Variants in FAM78B observed in about 807,000 individuals in gnomAD.
FAM78B encodes the protein family with sequence similarity 78 member B.
A neutral mutation model predicts 20.0 loss-of-function variants in FAM78B; 10 were observed. The observed-to-expected ratio is 0.50, with a 90% confidence interval of 0.31 to 0.85. The LOEUF is 0.85. Ranked by LOEUF, FAM78B falls within the 40% of genes least tolerant of loss-of-function variation. The pLI is 0.05. For synonymous variants in FAM78B, 135 were observed against 132.8 expected (o/e 1.02, Z -0.12); for missense variants, 283 against 345.0 (o/e 0.82, Z 1.42).
intron 1 of FAM78B, among the ~76,000 whole-genome samples, chr1:166,091,315 C>T (rs1653061261): frequency 6.6e-6 from 1 of 152,028 alleles, no homozygotes; most frequent in Non-Finnish European, 1.5e-5. Context: ...ATCTTGATTT[C>T]CTACATATTG....
At chr1:166,130,216 C>T (rs1654821373) in intron 1 of FAM78B, among the ~76,000 whole-genome samples, 1 of 152,244 alleles carries the variant, frequency 6.6e-6, no homozygotes, top group South Asian at 2.1e-4. Flanking sequence ...CAGTAAATAT[C>T]AAGCCCATTA....
At chr1:166,105,221 C>T (rs1159447961) in intron 1 of FAM78B, among the ~76,000 whole-genome samples, 1 of 152,204 alleles carries the variant, frequency 6.6e-6, no homozygotes, top group Non-Finnish European at 1.5e-5. Flanking sequence ...GCATTAAAGA[C>T]TTAAATGTTA....
intron 1 of FAM78B, among the ~76,000 whole-genome samples, chr1:166,080,998 C>T (rs1652546884): frequency 6.6e-6 from 1 of 152,218 alleles, no homozygotes; most frequent in Non-Finnish European, 1.5e-5. Context: ...GCTTTGCAAC[C>T]ATGATTACAG....
chr1:166,165,848 A>G (rs1015595375), intron 1 of FAM78B, 138 bp downstream of exon 1: 1 of 921,516 alleles, frequency 1.1e-6, no homozygotes, highest in African/African-American at 1.7e-5. Context: ...GGGAGGAGGG[A>G]GGTGGGAGAG....
chr1:166,105,667 C>A (rs1299471592), intron 1 of FAM78B, among the ~76,000 whole-genome samples: 1 of 152,198 alleles, frequency 6.6e-6, no homozygotes, highest in African/African-American at 2.4e-5. Context: ...CACTATCTCA[C>A]ACCAGTTAGA....
intron 1 of FAM78B, among the ~76,000 whole-genome samples, chr1:166,162,721 C>T (rs1301404905): frequency 2.0e-5 from 3 of 152,148 alleles, no homozygotes; most frequent in Non-Finnish European, 4.4e-5. Context: ...TTTCCTTTTC[C>T]AGACTATGTT....
At chr1:166,079,212 C>T (rs1294680201) in intron 1 of FAM78B, among the ~76,000 whole-genome samples, 1 of 152,196 alleles carries the variant, frequency 6.6e-6, no homozygotes, top group Non-Finnish European at 1.5e-5. Context: ...GGATTACAGG[C>T]ATGAACCACT....
At chr1:166,088,642 A>G (rs568825746) in intron 1 of FAM78B, among the ~76,000 whole-genome samples, 15 of 152,198 alleles carry the variant, frequency 9.9e-5, no homozygotes, top group Non-Finnish European at 1.9e-4. Flanking sequence ...ACGGACTGGC[A>G]TACAGCTATG....
intron 1 of FAM78B, among the ~76,000 whole-genome samples, chr1:166,078,755 G>A (rs1652438173): frequency 6.6e-6 from 1 of 152,066 alleles, no homozygotes; most frequent in Admixed American, 6.5e-5. Flanking sequence ...CAGTTATGCA[G>A]GGACTCTACT....
chr1:166,141,613 G>A (rs1292726601), intron 1 of FAM78B, among the ~76,000 whole-genome samples: 1 of 152,184 alleles, frequency 6.6e-6, no homozygotes, highest in Non-Finnish European at 1.5e-5. Context: ...CTGCAAAGGA[G>A]GCATGTTCAT....
At chr1:166,099,795 A>G (rs558321086) in intron 1 of FAM78B, among the ~76,000 whole-genome samples, 1 of 152,370 alleles carries the variant, frequency 6.6e-6, no homozygotes, top group East Asian at 1.9e-4. Flanking sequence ...AATTGACCTA[A>G]GAAATGAGAC....
At chr1:166,125,381 G>T (rs1343482473) in intron 1 of FAM78B, among the ~76,000 whole-genome samples, 2 of 152,092 alleles carry the variant, frequency 1.3e-5, no homozygotes, top group Non-Finnish European at 2.9e-5. Context: ...GTCTCCACTG[G>T]GAAAGCTAGT....
chr1:166,141,157 G>A (rs887663235), intron 1 of FAM78B, among the ~76,000 whole-genome samples: 1 of 152,220 alleles, frequency 6.6e-6, no homozygotes, highest in Non-Finnish European at 1.5e-5. Context: ...AAATATATAT[G>A]AAGTGCGTAC....
chr1:166,085,449 T>C (rs1652789436), intron 1 of FAM78B, among the ~76,000 whole-genome samples: 1 of 152,216 alleles, frequency 6.6e-6, no homozygotes, highest in African/African-American at 2.4e-5. Context: ...CTTCCTGCAA[T>C]TTATTCCCAT....
intron 1 of FAM78B, among the ~76,000 whole-genome samples, chr1:166,123,801 C>T (rs956215770): frequency 1.8e-4 from 28 of 152,136 alleles, no homozygotes; most frequent in African/African-American, 6.5e-4. Flanking sequence ...TCCAGCAACA[C>T]GCCATGAGGG....
At chr1:166,088,042 GC>G (rs1168331728) in intron 1 of FAM78B, among the ~76,000 whole-genome samples, 2 of 152,178 alleles carry the variant, frequency 1.3e-5, no homozygotes, top group Admixed American at 1.3e-4. Context: ...CTGCCCCAAC[GC>G]AAAGCCCAGG....
intron 1 of FAM78B, among the ~76,000 whole-genome samples, chr1:166,122,722 T>C (rs144330544): frequency 1.3e-5 from 2 of 152,332 alleles, no homozygotes; most frequent in African/African-American, 4.8e-5. Context: ...CAAATGGGGA[T>C]GGAAAATATC....
At chr1:166,149,874 C>G (rs1366072903) in intron 1 of FAM78B, among the ~76,000 whole-genome samples, 1 of 152,128 alleles carries the variant, frequency 6.6e-6, no homozygotes, top group Non-Finnish European at 1.5e-5. Flanking sequence ...GCTGCACCTT[C>G]CAAATGACTG....
chr1:166,165,841 AGGAG>A, intron 1 of FAM78B, 141 bp downstream of exon 1: 1 of 876,814 alleles, frequency 1.1e-6, no homozygotes, highest in South Asian at 1.7e-5. Flanking sequence ...AAGCGTAGGG[AGGAG>A]GGAGGTGGGA....
Sources: gnomAD v4.1 joint callset for allele counts (sites outside exome capture counted in the v4.1 genomes callset) on GRCh38, gnomAD v4.1.1 for gene constraint, MANE v1.5 for transcripts, NCBI Gene and HGNC (gene_info 2026-07-23, HGNC 2026-07-21) for gene names.